The following DNAH9 variants were observed in gnomAD, a reference collection of about 807,000 sequenced individuals.
DNAH9 encodes the protein dynein axonemal heavy chain 9.
DNAH9 carries 345 observed loss-of-function variants against 471.6 expected under a neutral mutation model. The ratio of observed to expected loss-of-function variants is 0.73; its 90% CI spans 0.67 to 0.80. DNAH9 has a LOEUF of 0.80. Among genes scored for constraint, DNAH9 ranks in the 30% least tolerant of loss-of-function variants. The pLI, the probability that DNAH9 is intolerant of heterozygous loss-of-function variation, is 0.00. For synonymous variants in DNAH9, 2,093 were observed against 2,123.6 expected (o/e 0.99, Z 0.40); for missense variants, 5,407 against 5,609.2 (o/e 0.96, Z 1.15).
chr17:11,896,721 C>G (rs575431712), intron 59 of DNAH9, among the ~76,000 whole-genome samples: 53 of 152,132 alleles, frequency 3.5e-4, no homozygotes, highest in Middle Eastern at 3.4e-3. Context: ...AAAGTAGCAC[C>G]GTCCAAAAGA....
intron 11 of DNAH9, among the ~76,000 whole-genome samples, chr17:11,645,949 G>A (rs1286038459): frequency 2.1e-5 from 3 of 142,980 alleles, no homozygotes; most frequent in Non-Finnish European, 3.0e-5. Context: ...GCACAATCTC[G>A]ACTCACTGCA....
chr17:11,617,236 AGTT>A (rs1299727770), intron 4 of DNAH9, among the ~76,000 whole-genome samples, 172 bp from the exon 5 acceptor site: 1 of 152,110 alleles, frequency 6.6e-6, no homozygotes, highest in African/African-American at 2.4e-5. Context: ...TCATTATCCT[AGTT>A]GTTCAGGGCT....
At position 11,744,805 on chromosome 17, in the gene DNAH9, C is replaced by T. The variant is rs138108837; in HGVS notation, c.6120C>T (p.Tyr2040=). 1.5e-4 allele frequency: 240 copies of T among 1,612,070 alleles called. 1 individual carries two copies. In the African/African-American group the frequency reaches 2.7e-3, roughly 18 times the overall value. Residue 2040 remains tyrosine (Y), a synonymous_variant, in exon 31 of 69, where the codon TAC becomes TAT. Coordinates refer to ENST00000262442, the MANE Select transcript of DNAH9 (RefSeq NM_001372.4). ...TCTAACACTGCCCACAGGATCACTA[C>T]GACTGGGGCCTACGGGCCATCAAGT... is the stretch of plus-strand genomic sequence containing the variant. ...CKELLSKQDH[Y]DWGLRAIKSV...
chr17:11,703,090 C>CAAAAAA (rs535913798), intron 24 of DNAH9, among the ~76,000 whole-genome samples: 1 of 87,796 alleles, frequency 1.1e-5, no homozygotes. Context: ...GAGACTGTCT[C>CAAAAAA]AAAAAAAAAA....
intron 17 of DNAH9, among the ~76,000 whole-genome samples, chr17:11,676,086 A>T: frequency 1.3e-5 from 2 of 152,040 alleles, no homozygotes. Context: ...TTTAGCCTAT[A>T]ATTTCTTTAA....
Position 11,768,546 on chromosome 17 carries a change from A to C in DNAH9, c.7264A>C (p.Ile2422Leu). The change falls in exon 37 of 69, where the codon ATC becomes CTC. Residue 2422 changes from isoleucine to leucine, a missense_variant. By Grantham distance (5) the Ile-to-Leu change is conservative. Coordinates refer to ENST00000262442, the MANE Select transcript of DNAH9 (RefSeq NM_001372.4). ...CCAAGGAACCATCTTTGACTATTAC[A>C]TCGACCCAGAGACCAAGAAATTCGA... ...PSQGTIFDYY[I>L]DPETKKFEPW... 3.7e-6 allele frequency: 6 copies of C among 1,614,162 alleles called. No individual in the cohort carries two copies. Among genetic ancestry groups the C allele is most frequent in the Non-Finnish European group, 5.1e-6 (6 of 1,180,028 alleles).
At chr17:11,632,795 T>C in intron 8 of DNAH9, 92 bp downstream of exon 8, 1 of 612,788 alleles carries the variant, frequency 1.6e-6, no homozygotes, top group Non-Finnish European at 3.0e-6. Flanking sequence ...CCTGTTCTGT[T>C]CCTGCAACTA....
chr17:11,724,452 C>T (rs2075117804), intron 27 of DNAH9, among the ~76,000 whole-genome samples: 1 of 152,338 alleles, frequency 6.6e-6, no homozygotes, highest in East Asian at 1.9e-4. Context: ...TGCCTGGCTT[C>T]TTTCACTTAA....
chr17:11,704,652 C>T (rs938407559), intron 25 of DNAH9, among the ~76,000 whole-genome samples: 15 of 150,344 alleles, frequency 1.0e-4, no homozygotes, highest in East Asian at 2.0e-4. Context: ...GGCACGATCT[C>T]GGCTCACCGC....
chr17:11,620,702 A>G (rs113720371), intron 6 of DNAH9, among the ~76,000 whole-genome samples: 6 of 152,190 alleles, frequency 3.9e-5, no homozygotes, highest in African/African-American at 1.4e-4. Flanking sequence ...CTGGGTTTCA[A>G]ATAAACTCTG....
chr17:11,611,277 T>C (rs995251507), intron 3 of DNAH9, among the ~76,000 whole-genome samples: 1 of 152,242 alleles, frequency 6.6e-6, no homozygotes, highest in African/African-American at 2.4e-5. Flanking sequence ...CCCCATGCTC[T>C]TGCCTGGCTT....
intron 21 of DNAH9, 104 bp downstream of exon 21, chr17:11,694,102 G>A: frequency 2.1e-6 from 3 of 1,439,850 alleles, no homozygotes; most frequent in Admixed American, 2.0e-5. Context: ...TGCCTTGCAT[G>A]TCCCTTTCTT....
At chr17:11,677,482 T>C (rs993837762) in intron 17 of DNAH9, among the ~76,000 whole-genome samples, 73 of 152,206 alleles carry the variant, frequency 4.8e-4, no homozygotes. Context: ...TTGGTGACAT[T>C]TGCTTAGTGC....
At position 11,598,702 on chromosome 17, in the gene DNAH9, G is replaced by A; in HGVS notation, c.204G>A (p.Pro68=). 1 of 1,372,002 alleles carries A rather than the reference G, an allele frequency of 7.3e-7. No individual in the cohort carries two copies. Among genetic ancestry groups the A allele is most frequent in the Non-Finnish European group, 9.4e-7 (1 of 1,069,402 alleles). 85.0% of individuals were successfully genotyped at this position (1,372,002 alleles called of 1,614,324 possible). The stretch of plus-strand genomic sequence containing the variant: ...TGGGCCGCGATGCTGCCGAGGGGCC[G>A]CGGCCGCTGCTGGTGGTGCGGCCCG... ...AFLGRDAAEG[P]RPLLVVRPGP... is the part of the protein sequence containing the mutation. Residue 68 remains proline, a synonymous_variant, in exon 1 of 69, where the codon CCG becomes CCA. Coordinates refer to ENST00000262442, the MANE Select transcript of DNAH9 (RefSeq NM_001372.4).
chr17:11,830,433 A>C (rs73980511), intron 48 of DNAH9, among the ~76,000 whole-genome samples: 2,085 of 152,338 alleles, frequency 0.014, 58 homozygotes, highest in African/African-American at 0.047. Flanking sequence ...ACTTAAATTC[A>C]GTTTATCTTG....
chr17:11,934,041 AG>A lies in DNAH9; in HGVS notation c.12461del (p.Gly4154AlafsTer35). The A allele has an allele frequency of 3.7e-6, 6 of 1,614,074 alleles. No homozygotes were observed. The highest frequency in any genetic ancestry group is 5.1e-6 in the Non-Finnish European group (6 of 1,179,964). Reference sequence around the variant, plus strand: ...CTTTGGCCCCAGGGTTCCCACTCCCAGGCAACATGGACTACAATGGTTATCA... The same window carrying A: ...CTTTGGCCCCAGGGTTCCCACTCCCAGCAACATGGACTACAATGGTTATCA... Reference protein sequence around the residue: ...LSLAPGFPLPGNMDYNGYHQY... With the variant: ...LSLAPGFPLPXNMDYNGYHQY... On this transcript the variant is annotated frameshift_variant, in exon 65 of 69. Coordinates refer to ENST00000262442, the MANE Select transcript of DNAH9 (RefSeq NM_001372.4). LOFTEE classifies it high-confidence loss of function.
chr17:11,740,373 G>A (rs2075413421), intron 29 of DNAH9, among the ~76,000 whole-genome samples: 1 of 152,196 alleles, frequency 6.6e-6, no homozygotes, highest in Admixed American at 6.5e-5. Flanking sequence ...TCTAGAGACT[G>A]AAAGTTCAAA....
chr17:11,608,124 T>C lies in DNAH9; in HGVS notation c.418-5T>C, dbSNP rs777758482. 1.3e-6 allele frequency: 2 copies of C among 1,584,942 alleles called. No individual in the cohort carries two copies. Among genetic ancestry groups the C allele is most frequent in the Admixed American group, 3.5e-5 (2 of 56,498 alleles). Reference sequence around the variant, plus strand: ...GCCTTTCTTTCCTGTGCACCTCTGTTCCAGGTTGTTCTACCCGTCCTGGCC... The same window carrying C: ...GCCTTTCTTTCCTGTGCACCTCTGTCCCAGGTTGTTCTACCCGTCCTGGCC... On this transcript the variant is annotated splice_polypyrimidine_tract_variant and splice_region_variant and intron_variant, in intron 1 of 68. Coordinates refer to ENST00000262442, the MANE Select transcript of DNAH9 (RefSeq NM_001372.4).
At chr17:11,767,345 G>A (rs1395969106) in intron 36 of DNAH9, among the ~76,000 whole-genome samples, 1 of 152,214 alleles carries the variant, frequency 6.6e-6, no homozygotes, top group Non-Finnish European at 1.5e-5. Flanking sequence ...ATATTGGGAA[G>A]TTATAACGTC....
Sources: allele counts gnomAD v4.1 joint callset (sites outside exome capture counted in the v4.1 genomes callset), GRCh38; gene constraint gnomAD v4.1.1; transcripts MANE v1.5; gene names NCBI Gene and HGNC (gene_info 2026-07-23, HGNC 2026-07-21).